Variants in TFDP2 observed in about 807,000 individuals in gnomAD.
TFDP2 encodes the protein transcription factor Dp-2 (E2F dimerization partner 2).
Under a neutral mutation model 59.3 loss-of-function variants are expected in TFDP2, and 17 were observed. That is an observed-to-expected ratio of 0.29 (90% CI 0.20 to 0.43). The LOEUF is 0.43. TFDP2 is among the 20% of genes least tolerant of loss of function. The pLI, the probability that TFDP2 is intolerant of heterozygous loss-of-function variation, is 1.00. For synonymous variants in TFDP2, 180 were observed against 194.7 expected (o/e 0.92, Z 0.63); for missense variants, 391 against 528.8 (o/e 0.74, Z 2.56).
At chr3:141,993,738 T>A (rs890076437) in intron 5 of TFDP2, among the ~76,000 whole-genome samples, 153 bp from the exon 6 acceptor site, 2 of 152,200 alleles carry the variant, frequency 1.3e-5, no homozygotes, top group Non-Finnish European at 2.9e-5. Flanking sequence ...AAAATAAATC[T>A]TAATTTTATC....
intron 1 of TFDP2, among the ~76,000 whole-genome samples, chr3:142,108,679 C>T (rs2061556554): frequency 6.6e-6 from 1 of 152,132 alleles, no homozygotes; most frequent in African/African-American, 2.4e-5. Context: ...ATTTAGATTT[C>T]ATAATCTAAA....
chr3:142,122,588 G>A (rs2062087668), intron 1 of TFDP2, among the ~76,000 whole-genome samples: 2 of 152,116 alleles, frequency 1.3e-5, no homozygotes, highest in African/African-American at 4.8e-5. Flanking sequence ...TTGCAAATGG[G>A]GCCTCAGCTG....
intron 3 of TFDP2, among the ~76,000 whole-genome samples, chr3:142,035,824 T>C (rs1159270943): frequency 1.3e-5 from 2 of 152,246 alleles, no homozygotes; most frequent in African/African-American, 4.8e-5. Flanking sequence ...TTGCTCCTTC[T>C]TGCCTTCCAG....
At chr3:141,962,080 C>G (rs904281666) in intron 10 of TFDP2, among the ~76,000 whole-genome samples, 1 of 152,062 alleles carries the variant, frequency 6.6e-6, no homozygotes, top group African/African-American at 2.4e-5. Flanking sequence ...TCCCGAGTAG[C>G]TGGGATTACA....
In TFDP2 at chr3:141,971,515, ACT is replaced by A. The variant is rs946332802; in HGVS notation, c.664-1376_664-1375del. 4.0e-5 allele frequency among the ~76,000 whole-genome samples: 6 copies of A among 151,778 alleles called. No individual in the cohort carries two copies. In the South Asian group the frequency reaches 1.3e-3, roughly 32 times the overall value. Reference sequence around the variant, plus strand: ...AGTGAGCCGAAGATTGCGCCACTGAACTCCAGCCTGGGTGACAGAGCAAGTCT... The same window carrying A: ...AGTGAGCCGAAGATTGCGCCACTGAACCAGCCTGGGTGACAGAGCAAGTCT... On this transcript the variant is annotated intron_variant, in intron 8 of 12. Transcript: ENST00000489671.
intron 3 of TFDP2, among the ~76,000 whole-genome samples, chr3:142,014,578 G>A (rs937278212): frequency 1.4e-4 from 21 of 152,120 alleles, no homozygotes; most frequent in African/African-American, 4.3e-4. Context: ...TAACTTGGGC[G>A]AGTTCATATT....
intron 3 of TFDP2, among the ~76,000 whole-genome samples, chr3:142,074,156 C>T (rs1252422727): frequency 6.6e-6 from 1 of 152,152 alleles, no homozygotes; most frequent in Admixed American, 6.5e-5. Context: ...GCCTGTAATC[C>T]CAGCACTTTG....
At chr3:141,971,832 G>A (rs1189524191) in intron 8 of TFDP2, among the ~76,000 whole-genome samples, 2 of 152,090 alleles carry the variant, frequency 1.3e-5, no homozygotes, top group Admixed American at 6.6e-5. Flanking sequence ...GCCTCTATCC[G>A]CCTTTGCTGC....
At position 141,979,611 on chromosome 3, in the gene TFDP2, G is replaced by C. The variant is rs143024202; in HGVS notation, c.357-929C>G. ...GTGTCTCAGTTTCCTTTTTTGGAGA[G>C]AGAGTTTCGCTCTATCCCCTAGGCT... On this transcript the variant is annotated intron_variant, in intron 6 of 12. Coordinates refer to ENST00000489671, the MANE Select transcript of TFDP2 (RefSeq NM_001178139.2). Among the ~76,000 whole-genome samples the C allele has an allele frequency of 5.3e-5, 8 of 152,132 alleles. No homozygotes were observed. In the East Asian group the frequency reaches 1.5e-3, roughly 29 times the overall value.
At chr3:141,969,866 C>G (rs1315373193) in intron 9 of TFDP2, among the ~76,000 whole-genome samples, 2 of 152,162 alleles carry the variant, frequency 1.3e-5, no homozygotes, top group Non-Finnish European at 2.9e-5. Context: ...GGCAGGGAAG[C>G]TACTGTGGAG....
chr3:141,974,315 C>T, intron 7 of TFDP2, 124 bp from the exon 8 acceptor site: 1 of 790,936 alleles, frequency 1.3e-6, no homozygotes, highest in Non-Finnish European at 1.8e-6. Flanking sequence ...TTTTATTTAG[C>T]CAACTGACAA....
At chr3:141,981,880 A>G (rs1185218415) in intron 6 of TFDP2, among the ~76,000 whole-genome samples, 1 of 152,236 alleles carries the variant, frequency 6.6e-6, no homozygotes, top group Non-Finnish European at 1.5e-5. Context: ...ACAAAATTTT[A>G]AAAGACAAAA....
At chr3:141,959,537 TA>T in intron 11 of TFDP2, 136 bp downstream of exon 11, 1 of 893,904 alleles carries the variant, frequency 1.1e-6, no homozygotes. Context: ...AAAATGGTCC[TA>T]AAGTGTTAAA....
At position 141,951,375 on chromosome 3, in the gene TFDP2, G is replaced by A. The variant is rs1048422487; in HGVS notation, c.*1138C>T. The A allele has an allele frequency of 6.6e-6, 1 of 152,146 alleles. No homozygotes were observed. 9.4% of individuals were successfully genotyped at this position (152,146 alleles called of 1,614,324 possible). ...TATCCAGGCAGTAGGAGTGTTCAAC[G>A]TTTTCTAGTGTTTCTGTGAAACACT... On this transcript the variant is annotated 3_prime_UTR_variant, in exon 13 of 13. Transcript: ENST00000489671.
At chr3:141,973,121 A>T (rs1278238276) in intron 8 of TFDP2, among the ~76,000 whole-genome samples, 2,268 of 57,236 alleles carry the variant, frequency 0.04, 36 homozygotes, top group South Asian at 0.1. Flanking sequence ...ATATATATAT[A>T]TATTTTTTTT....
At chr3:142,046,581 ACGGCGT>A (rs1289451847) in intron 3 of TFDP2, among the ~76,000 whole-genome samples, 1 of 37,706 alleles carries the variant, frequency 2.7e-5, no homozygotes, top group Non-Finnish European at 4.4e-5. Context: ...CAGTTGCAAC[ACGGCGT>A]TGGTGTTGGT....
At position 142,013,771 on chromosome 3, in the gene TFDP2, AT is replaced by A. The variant is rs35931945; in HGVS notation, c.83-8228del. Among the ~76,000 whole-genome samples the A allele has an allele frequency of 5.1e-3, 676 of 132,666 alleles. 4 individuals carry two copies. The highest frequency in any genetic ancestry group is 8.0e-3 in the Admixed American group (109 of 13,544). The allele number at this position is 132,666 out of a possible 152,430, so 87.0% of individuals were successfully genotyped here. ...CACTAGAATTGTCTAGACACCACATATTTTTTTTTCCACTATAATTCTTTAG... is the reference window on the plus strand; with the variant it reads ...CACTAGAATTGTCTAGACACCACATATTTTTTTTCCACTATAATTCTTTAG... On this transcript the variant is annotated intron_variant, in intron 3 of 12. Transcript: ENST00000489671.
chr3:142,073,165 G>A (rs922979475), intron 3 of TFDP2, among the ~76,000 whole-genome samples: 1 of 152,146 alleles, frequency 6.6e-6, no homozygotes, highest in Non-Finnish European at 1.5e-5. Context: ...AAACTCCTGG[G>A]CTCAAGTGAT....
chr3:141,953,417 AAG>A (rs1936167057), intron 11 of TFDP2, among the ~76,000 whole-genome samples: 1 of 152,112 alleles, frequency 6.6e-6, no homozygotes, highest in African/African-American at 2.4e-5. Flanking sequence ...GAAGTGGGAA[AAG>A]AGAAAATCAA....
Sources: allele counts gnomAD v4.1 joint callset (sites outside exome capture counted in the v4.1 genomes callset), GRCh38; gene constraint gnomAD v4.1.1; transcripts MANE v1.5; gene names NCBI Gene and HGNC (gene_info 2026-07-23, HGNC 2026-07-21).